The following SAFB2 variants were observed in gnomAD, a reference collection of about 807,000 sequenced individuals.
The protein encoded by SAFB2 is scaffold attachment factor B2.
Under a neutral mutation model 100.6 loss-of-function variants are expected in SAFB2, and 32 were observed. The ratio of observed to expected loss-of-function variants is 0.32; its 90% CI spans 0.24 to 0.43. The LOEUF is 0.43. Ranked by LOEUF, SAFB2 falls within the 20% of genes least tolerant of loss-of-function variation. SAFB2 has a pLI of 1.00. For missense variants in SAFB2, 1,185 were observed against 1,163.4 expected (o/e 1.02, Z -0.27); for synonymous variants, 500 against 439.4 (o/e 1.14, Z -1.72).
chr19:5,593,109 G>C (rs1447647442), intron 15 of SAFB2, among the ~76,000 whole-genome samples: 1 of 152,186 alleles, frequency 6.6e-6, no homozygotes, highest in Non-Finnish European at 1.5e-5. Context: ...TCATCCAACA[G>C]TCCCAAAAGG....
At chr19:5,616,083 G>C in intron 4 of SAFB2, 49 bp downstream of exon 4, 1 of 1,567,968 alleles carries the variant, frequency 6.4e-7, no homozygotes. Context: ...GCGAGCACCA[G>C]GTGCCTCGGG....
At chr19:5,608,386 C>T (rs760591344) in intron 9 of SAFB2, among the ~76,000 whole-genome samples, 12 of 152,192 alleles carry the variant, frequency 7.9e-5, no homozygotes, top group Non-Finnish European at 1.8e-4. Context: ...ACAGTGACCA[C>T]GTATGTTTAC....
chr19:5,594,116 G>C lies in SAFB2; in HGVS notation c.1982C>G (p.Ala661Gly). 1 of 1,601,818 alleles carries C rather than the reference G, an allele frequency of 6.2e-7. No homozygotes were observed. The highest frequency in any genetic ancestry group is 8.5e-7 in the Non-Finnish European group (1 of 1,178,520). ...CTGCAGGCGTTCCCGCTGTAGCCGG[G>C]CCTTCTCCTTCCGCTCATGGAAGGC... The part of the protein sequence containing the change: ...LEAFHERKEK[A>G]RLQRERLQLE... The change falls in exon 15 of 21, where the codon GCC becomes GGC. Residue 661 changes from alanine (A) to glycine (G), a missense_variant. Ala to Gly is a moderately conservative substitution (Grantham distance 60). Around this residue, in one of 3 missense-constraint regions of SAFB2, gnomAD observed 740 missense variants for 687.1 expected, o/e 1.08. Transcript: ENST00000252542.
Position 5,590,373 on chromosome 19 carries a change from G to T in SAFB2, c.2430C>A (p.Pro810=), listed in dbSNP as rs535063745. ...GGGAGTCCCGGCCGTGGCGCTCTGG[G>T]GGTCCTCCGTGGCCATGGCGGTCAT... ...YGDDRHGHGG[P]PERHGRDSRD... The change falls in exon 18 of 21, where the codon CCC becomes CCA. Residue 810 remains proline, a synonymous_variant. Transcript: ENST00000252542. The T allele has an allele frequency of 3.1e-6, 5 of 1,611,882 alleles. No homozygotes were observed. The highest frequency in any genetic ancestry group is 3.4e-6 in the Non-Finnish European group (4 of 1,179,342).
At chr19:5,608,374 T>C (rs1203581958) in intron 9 of SAFB2, among the ~76,000 whole-genome samples, 1 of 152,236 alleles carries the variant, frequency 6.6e-6, no homozygotes. Flanking sequence ...AAATCTGTGA[T>C]GACAGTGACC....
intron 9 of SAFB2, among the ~76,000 whole-genome samples, chr19:5,608,320 A>G (rs957369040): frequency 1.3e-5 from 2 of 152,126 alleles, no homozygotes; most frequent in African/African-American, 4.8e-5. Context: ...ACAACACATC[A>G]TATGTGTTTA....
At chr19:5,617,195 G>C (rs2053051584) in intron 2 of SAFB2, among the ~76,000 whole-genome samples, 1 of 152,066 alleles carries the variant, frequency 6.6e-6, no homozygotes, top group African/African-American at 2.4e-5. Context: ...ATAACATATT[G>C]AGTTAGTGAT....
At chr19:5,599,312 G>T (rs1037302424) in intron 12 of SAFB2, among the ~76,000 whole-genome samples, 12 of 152,172 alleles carry the variant, frequency 7.9e-5, no homozygotes, top group African/African-American at 2.9e-4. Context: ...TTGCCAGACG[G>T]GTGGGCTTCC....
In SAFB2 at chr19:5,599,530, A is replaced by G. The variant is rs181170396; in HGVS notation, c.1690+600T>C. Among the ~76,000 whole-genome samples the G allele has an allele frequency of 7.8e-4, 119 of 152,246 alleles. 4 individuals carry two copies. The South Asian group carries it at 0.013, about 17-fold the overall frequency. ...TTGTAATGTGCTGTACCAAATTTCA[A>G]TGCTCCAGATGGTTGGGTTTTGTCT... is the stretch of plus-strand genomic sequence containing the variant. On this transcript the variant is annotated intron_variant, in intron 12 of 20. Transcript: ENST00000252542.
intron 14 of SAFB2, among the ~76,000 whole-genome samples, chr19:5,594,473 C>T (rs889484705): frequency 1.3e-5 from 2 of 152,180 alleles, no homozygotes; most frequent in African/African-American, 2.4e-5. Flanking sequence ...GACAAGAGAA[C>T]GCCGGGCATC....
At chr19:5,619,171 A>C (rs2053092608) in intron 2 of SAFB2, among the ~76,000 whole-genome samples, 1 of 152,170 alleles carries the variant, frequency 6.6e-6, no homozygotes, top group Admixed American at 6.5e-5. Flanking sequence ...CTGCAACCAC[A>C]AAGTCCTAAG....
In SAFB2 at chr19:5,587,799, G is replaced by A. The variant is rs753171289; in HGVS notation, c.2639-32C>T. The stretch of plus-strand genomic sequence containing the variant: ...GAGAAGAAGGGTCTGCAAACACTCC[G>A]TTCCTGGGGAAGCCCCTGGACACAT... On this transcript the variant is annotated intron_variant, in intron 19 of 20. Transcript: ENST00000252542. The surrounding 1 kb of genome is among the most constrained non-coding windows in gnomAD (Gnocchi z 4.9). The A allele has an allele frequency of 1.0e-5, 16 of 1,557,690 alleles. No individual in the cohort carries two copies. The highest frequency in any genetic ancestry group is 4.8e-5 in the East Asian group (2 of 41,588).
chr19:5,613,370 A>G, intron 5 of SAFB2, 95 bp downstream of exon 5: 2 of 1,081,698 alleles, frequency 1.8e-6, no homozygotes, highest in East Asian at 5.0e-5. Context: ...CACAGTATCC[A>G]GTCATTTCCA....
In SAFB2 at chr19:5,610,113, T is replaced by G. The variant is rs1173392300; in HGVS notation, c.1196-18A>C. 5.6e-6 allele frequency: 9 copies of G among 1,608,774 alleles called. No homozygotes were observed. The highest frequency in any genetic ancestry group is 6.0e-6 in the Non-Finnish European group (7 of 1,175,538). On this transcript the variant is annotated intron_variant, in intron 8 of 20. Transcript: ENST00000252542. Reference sequence around the variant, plus strand: ...GACCCGACCTGGCACGAGAGGGAGATTCTTAGGCATCACCCCAAGGCCTAA... The same window carrying G: ...GACCCGACCTGGCACGAGAGGGAGAGTCTTAGGCATCACCCCAAGGCCTAA...
chr19:5,589,971 G>C (rs1046333613), intron 18 of SAFB2, among the ~76,000 whole-genome samples: 1 of 152,160 alleles, frequency 6.6e-6, no homozygotes, highest in Admixed American at 6.5e-5. Context: ...GAGCTTCAGC[G>C]CTGTCTCTCC....
At chr19:5,593,009 T>C (rs1347958567) in intron 15 of SAFB2, 122 bp from the exon 16 acceptor site, 2 of 858,688 alleles carry the variant, frequency 2.3e-6, no homozygotes, top group African/African-American at 1.7e-5. Context: ...TAAAATGTCC[T>C]GCAGGGCTAA....
At chr19:5,617,271 T>C (rs2053053183) in intron 2 of SAFB2, among the ~76,000 whole-genome samples, 1 of 150,562 alleles carries the variant, frequency 6.6e-6, no homozygotes, top group Non-Finnish European at 1.5e-5. Flanking sequence ...CTCAAGAACT[T>C]TTTTTTTTCC....
intron 4 of SAFB2, among the ~76,000 whole-genome samples, chr19:5,615,402 TG>T (rs899330884): frequency 1.3e-5 from 2 of 150,578 alleles, no homozygotes; most frequent in African/African-American, 4.9e-5. Context: ...AATATCTACA[TG>T]ATGAGATTAG....
intron 5 of SAFB2, 42 bp from the exon 6 acceptor site, chr19:5,612,609 C>T (rs1011154100): frequency 1.3e-6 from 2 of 1,514,558 alleles, no homozygotes; most frequent in Non-Finnish European, 1.8e-6. Flanking sequence ...TCACTTTAAA[C>T]ACGGGGCACA....
Sources: allele counts gnomAD v4.1 joint callset (sites outside exome capture counted in the v4.1 genomes callset), GRCh38; gene constraint gnomAD v4.1.1; regional missense constraint gnomAD v4.1.1; non-coding constraint Gnocchi (gnomAD v3.1); transcripts MANE v1.5; gene names NCBI Gene and HGNC (gene_info 2026-07-23, HGNC 2026-07-21).